NCK2: variants seen among roughly 807,000 people sequenced by gnomAD.
The protein encoded by NCK2 is NCK adaptor protein 2.
In NCK2, 16 loss-of-function variants were observed where a neutral mutation model predicts 33.9. The observed-to-expected ratio is 0.47, with a 90% CI of 0.32 to 0.72. The LOEUF (loss-of-function observed/expected upper bound fraction) is 0.72, where lower values mean the gene tolerates loss of function less well. Among genes scored for constraint, NCK2 ranks in the 30% least tolerant of loss-of-function variants. The probability of loss-of-function intolerance (pLI) is 0.03; values close to 1 mark genes in which losing one functional copy is unlikely to be tolerated. For missense variants in NCK2, 418 were observed against 537.3 expected (o/e 0.78, Z 2.19); for synonymous variants, 273 against 239.9 (o/e 1.14, Z -1.27).
chr2:105,795,553 G>C (rs1285081101), intron 1 of NCK2, among the ~76,000 whole-genome samples: 6 of 152,132 alleles, frequency 3.9e-5, no homozygotes. Flanking sequence ...TAACAAACTT[G>C]GTCTATTTAG....
chr2:105,823,795 A>G (rs921973265), intron 2 of NCK2, among the ~76,000 whole-genome samples: 2 of 152,196 alleles, frequency 1.3e-5, no homozygotes, highest in African/African-American at 4.8e-5. Context: ...CAACAGTCAC[A>G]CTGACAAGTT....
chr2:105,891,007 T>C (rs1678948666), intron 4 of NCK2, among the ~76,000 whole-genome samples: 1 of 152,206 alleles, frequency 6.6e-6, no homozygotes, highest in South Asian at 2.1e-4. Context: ...ATTTCGGATG[T>C]TAGGCTGTGG....
In NCK2 at chr2:105,863,973, G is replaced by C. The variant is rs139895554; in HGVS notation, c.226+8684G>C. On this transcript the variant is annotated intron_variant, in intron 3 of 4. Transcript: ENST00000233154. ...CTGAGCTGGGTTGAGACTTGGCGAG[G>C]GGGGGTGGGGTCTCACTTGAGGGAT... Among the ~76,000 whole-genome samples the C allele has an allele frequency of 6.9e-4, 101 of 146,848 alleles. 3 individuals are homozygous for C. In the South Asian group the frequency reaches 0.021, roughly 31 times the overall value.
intron 1 of NCK2, among the ~76,000 whole-genome samples, chr2:105,795,358 A>C (rs111546674): frequency 2.8e-4 from 43 of 152,286 alleles, no homozygotes; most frequent in Admixed American, 9.2e-4. Flanking sequence ...CCCAAGCAAG[A>C]GGTCAAAGGT....
intron 2 of NCK2, among the ~76,000 whole-genome samples, chr2:105,835,048 T>C (rs952155628): frequency 1.3e-5 from 2 of 152,112 alleles, no homozygotes; most frequent in Non-Finnish European, 2.9e-5. Context: ...TCTGGTTGCT[T>C]TGTATATCCT....
chr2:105,778,875 A>G (rs1260534024), intron 1 of NCK2, among the ~76,000 whole-genome samples: 1 of 151,968 alleles, frequency 6.6e-6, no homozygotes, highest in Non-Finnish European at 1.5e-5. Flanking sequence ...GGCACACACC[A>G]CTATACCAGG....
At chr2:105,785,127 G>C (rs1215399917) in intron 1 of NCK2, among the ~76,000 whole-genome samples, 3 of 152,098 alleles carry the variant, frequency 2.0e-5, no homozygotes, top group East Asian at 3.9e-4. Flanking sequence ...TACAGGCGCC[G>C]GCCACCACAC....
At chr2:105,822,247 A>G (rs1049532997) in intron 2 of NCK2, among the ~76,000 whole-genome samples, 6 of 152,070 alleles carry the variant, frequency 3.9e-5, no homozygotes, top group African/African-American at 1.4e-4. Flanking sequence ...CCAGCTGGGA[A>G]CCTGAATCCC....
upstream of NCK2, chr2:105,744,865 T>TCGCCGCCGCTGCCGC (rs1369981880): frequency 6.5e-6 from 1 of 153,268 alleles, no homozygotes; most frequent in African/African-American, 2.6e-5. Context: ...CGGGGGAGGG[T>TCGCCGCCGCTGCCGC]CGCCGCCGCC....
chr2:105,817,305 G>A (rs1158787757), intron 2 of NCK2, among the ~76,000 whole-genome samples: 1 of 152,140 alleles, frequency 6.6e-6, no homozygotes, highest in Non-Finnish European at 1.5e-5. Flanking sequence ...TGCAACATGT[G>A]GATTCTGGGA....
intron 1 of NCK2, among the ~76,000 whole-genome samples, chr2:105,795,910 G>A (rs1446264981): frequency 6.6e-6 from 1 of 152,050 alleles, no homozygotes; most frequent in Non-Finnish European, 1.5e-5. Context: ...TTTACATCTA[G>A]GACTTTAGGA....
chr2:105,876,072 G>C (rs982731749), intron 3 of NCK2, among the ~76,000 whole-genome samples: 18 of 152,084 alleles, frequency 1.2e-4, no homozygotes, highest in African/African-American at 3.9e-4. Flanking sequence ...AGAAAATGCT[G>C]CTTCATCTAA....
chr2:105,840,994 A>G lies in NCK2; in HGVS notation c.-16-14054A>G, dbSNP rs183532696. ...CAGAAACAAGGACAGACCAGTTGTAACTTTAGGTCAGTAATTGAGGTCTAC... is the reference window on the plus strand; with the variant it reads ...CAGAAACAAGGACAGACCAGTTGTAGCTTTAGGTCAGTAATTGAGGTCTAC... On this transcript the variant is annotated intron_variant, in intron 2 of 4. Coordinates refer to ENST00000233154, the MANE Select transcript of NCK2 (RefSeq NM_003581.5). Among the ~76,000 whole-genome samples, 763 of 152,298 alleles carry G rather than the reference A, an allele frequency of 5.0e-3. 9 individuals are homozygous for G. The highest frequency in any genetic ancestry group is 0.027 in the Middle Eastern group (8 of 294).
At chr2:105,889,944 G>A (rs1678903095) in intron 4 of NCK2, among the ~76,000 whole-genome samples, 1 of 152,172 alleles carries the variant, frequency 6.6e-6, no homozygotes, top group African/African-American at 2.4e-5. Flanking sequence ...GGTCTTGAGA[G>A]CACACTTGGA....
chr2:105,797,566 G>C (rs1031738011), intron 1 of NCK2, among the ~76,000 whole-genome samples: 1 of 152,210 alleles, frequency 6.6e-6, no homozygotes, highest in African/African-American at 2.4e-5. Flanking sequence ...CTTAGGGTCA[G>C]GATGGCTGGA....
rs912323940 is a variant in NCK2 at position 105,876,769 on chromosome 2, G to A, written c.227-4559G>A. Among the ~76,000 whole-genome samples, 5 of 152,202 alleles carry A rather than the reference G, an allele frequency of 3.3e-5. No individual in the cohort carries two copies. The East Asian group carries it at 5.8e-4, about 18-fold the overall frequency. On this transcript the variant is annotated intron_variant, in intron 3 of 4. Coordinates refer to ENST00000233154, the MANE Select transcript of NCK2 (RefSeq NM_003581.5). ...TTAATGAAAGATGAGGCGATGAAGC[G>A]GAGATGTGTAGAAAAACTACACAGA... is the stretch of plus-strand genomic sequence containing the variant.
At chr2:105,816,200 G>A (rs892646694) in intron 1 of NCK2, among the ~76,000 whole-genome samples, 9 of 152,168 alleles carry the variant, frequency 5.9e-5, no homozygotes, top group African/African-American at 2.2e-4. Context: ...CAGCTAATGG[G>A]GAGACTTAGG....
At chr2:105,762,106 A>G (rs1169265943) in intron 1 of NCK2, among the ~76,000 whole-genome samples, 2 of 152,220 alleles carry the variant, frequency 1.3e-5, no homozygotes, top group South Asian at 2.1e-4. Flanking sequence ...TCGCTTTGCT[A>G]GAAAATTAAG....
intron 1 of NCK2, among the ~76,000 whole-genome samples, chr2:105,805,298 T>C (rs773706609): frequency 1.3e-5 from 2 of 152,194 alleles, no homozygotes; most frequent in East Asian, 3.8e-4. Flanking sequence ...CAAAGAGTTA[T>C]GAAAGGGTCC....
Sources: gnomAD v4.1 joint callset for allele counts (sites outside exome capture counted in the v4.1 genomes callset) on GRCh38, gnomAD v4.1.1 for gene constraint, MANE v1.5 for transcripts, NCBI Gene and HGNC (gene_info 2026-07-23, HGNC 2026-07-21) for gene names.